The following CPEB1 variants were observed in gnomAD, a reference collection of about 807,000 sequenced individuals.
CPEB1 encodes the protein cytoplasmic polyadenylation element binding protein 1, also known as cytoplasmic polyadenylation element-binding protein 1.
CPEB1 carries 7 observed loss-of-function variants against 65.8 expected under a neutral mutation model. The observed-to-expected ratio is 0.11, with a 90% CI of 0.06 to 0.20. The LOEUF is 0.20. Ranked by LOEUF, CPEB1 falls within the 10% of genes least tolerant of loss-of-function variation. The pLI, the probability that CPEB1 is intolerant of heterozygous loss-of-function variation, is 1.00. For synonymous variants in CPEB1, 262 were observed against 260.0 expected (o/e 1.01, Z -0.08); for missense variants, 551 against 712.2 (o/e 0.77, Z 2.58).
chr15:82,600,839 G>C (rs901208177), intron 3 of CPEB1, among the ~76,000 whole-genome samples: 1 of 151,602 alleles, frequency 6.6e-6, no homozygotes, highest in Non-Finnish European at 1.5e-5. Flanking sequence ...GGGGAGGTTG[G>C]GTGGGTTCTT....
intron 3 of CPEB1, among the ~76,000 whole-genome samples, chr15:82,611,398 C>T (rs1057111540): frequency 6.6e-6 from 1 of 151,978 alleles, no homozygotes; most frequent in Non-Finnish European, 1.5e-5. Flanking sequence ...TGTAAGAAAT[C>T]ACTGAAATAA....
intron 3 of CPEB1, among the ~76,000 whole-genome samples, chr15:82,580,738 T>C (rs2041203292): frequency 6.6e-6 from 1 of 152,228 alleles, no homozygotes; most frequent in South Asian, 2.1e-4. Flanking sequence ...AATTTGACTA[T>C]TGTAGGGACC....
chr15:82,626,805 T>C (rs1179059156), intron 3 of CPEB1, among the ~76,000 whole-genome samples: 1 of 152,242 alleles, frequency 6.6e-6, no homozygotes, highest in Non-Finnish European at 1.5e-5. Flanking sequence ...ATTAATAGTT[T>C]TCATATTAAA....
chr15:82,556,319 A>G, intron 5 of CPEB1, 197 bp from the exon 6 acceptor site: 1 of 576,572 alleles, frequency 1.7e-6, no homozygotes, highest in Non-Finnish European at 2.9e-6. Context: ...CTCCTCATTC[A>G]ACTTTTCCAT....
upstream of CPEB1, chr15:82,647,917 G>C: frequency 8.2e-7 from 1 of 1,226,956 alleles, no homozygotes; most frequent in Non-Finnish European, 1.0e-6. Context: ...CGGCCAGCCG[G>C]CGGGCGAGAG....
Position 82,642,417 on chromosome 15 carries a change from A to C in CPEB1, c.-98+4720T>G, listed in dbSNP as rs587748961. Among the ~76,000 whole-genome samples, 5 of 152,278 alleles carry C rather than the reference A, an allele frequency of 3.3e-5. No individual in the cohort carries two copies. In the South Asian group the frequency reaches 1.0e-3, roughly 32 times the overall value. On this transcript the variant is annotated intron_variant, in intron 1 of 12. Transcript: ENST00000684509. ...TTTTAAAAAGTAGCCAAACATGTTG[A>C]ATGGCTGTAGTCCTAGCTACTTCGG...
rs587732776 is a variant in CPEB1 at position 82,645,800 on chromosome 15, G to A, written c.-98+1337C>T. Among the ~76,000 whole-genome samples, 13 of 152,090 alleles carry A rather than the reference G, an allele frequency of 8.5e-5. No homozygotes were observed. The South Asian group carries it at 2.3e-3, about 27-fold the overall frequency. On this transcript the variant is annotated intron_variant, in intron 1 of 12. Coordinates refer to ENST00000684509, the MANE Select transcript of CPEB1 (RefSeq NM_001365242.1). ...GGAGAATCGCTTGAACCCGGGAGGC[G>A]GAGGCTGCAGTGAGCCAAGATCGCG...
At position 82,612,995 on chromosome 15, in the gene CPEB1, T is replaced by C. The variant is rs908481814; in HGVS notation, c.271+14198A>G. Among the ~76,000 whole-genome samples the C allele has an allele frequency of 1.2e-4, 19 of 152,204 alleles. 1 individual carries two copies. The highest frequency in any genetic ancestry group is 7.4e-5 in the Non-Finnish European group (5 of 68,010). ...TTATATCAAAATTTAAGGAAGACTA[T>C]TATAAATTTCACACAAGCTCTTCTC... On this transcript the variant is annotated intron_variant, in intron 3 of 12. Transcript: ENST00000684509.
intron 3 of CPEB1, among the ~76,000 whole-genome samples, chr15:82,598,680 G>A (rs1172663551): frequency 6.6e-6 from 1 of 152,132 alleles, no homozygotes; most frequent in African/African-American, 2.4e-5. Context: ...AACTACTTGG[G>A]AGGCTGAGGC....
intron 1 of CPEB1, chr15:82,640,858 A>C (rs985591301): frequency 2.0e-5 from 3 of 152,032 alleles, no homozygotes; most frequent in Non-Finnish European, 2.9e-5. Context: ...TTGGGGAGAA[A>C]AGGAAGCCTG....
rs1259181 is a variant in CPEB1, at chr15:82,561,121, T to C, written c.461-3135A>G. Reference sequence around the variant, plus strand: ...AATATAAACACGAAGAGGTGGGACATTGAAGATTAAGAGCTCTGAGGATGG... The same window carrying C: ...AATATAAACACGAAGAGGTGGGACACTGAAGATTAAGAGCTCTGAGGATGG... On this transcript the variant is annotated intron_variant, in intron 4 of 12. Coordinates refer to ENST00000684509, the MANE Select transcript of CPEB1 (RefSeq NM_001365242.1). Among the ~76,000 whole-genome samples, 41 of 152,258 alleles carry C rather than the reference T, an allele frequency of 2.7e-4. No homozygotes were observed. The South Asian group carries it at 6.4e-3, about 24-fold the overall frequency.
Position 82,546,527 on chromosome 15 carries a change from C to G in CPEB1, c.1576-6G>C, listed in dbSNP as rs536024398. On this transcript the variant is annotated splice_polypyrimidine_tract_variant and splice_region_variant and intron_variant, in intron 11 of 12. Coordinates refer to ENST00000684509, the MANE Select transcript of CPEB1 (RefSeq NM_001365242.1). ...AGGTAGGGGTCAATCTGAACCTGCA[C>G]AAAGGCAAAATAAGATGATGAAGTG... 6.2e-7 allele frequency: 1 copy of G among 1,610,902 alleles called. No individual in the cohort carries two copies. Among genetic ancestry groups the G allele is most frequent in the African/African-American group, 1.3e-5 (1 of 74,808 alleles).
intron 3 of CPEB1, among the ~76,000 whole-genome samples, chr15:82,603,524 C>A (rs2043295060): frequency 8.2e-6 from 1 of 121,298 alleles, no homozygotes; most frequent in Non-Finnish European, 1.7e-5. Flanking sequence ...TCTAGGCTAA[C>A]CTGCATGCTT....
chr15:82,562,075 G>A (rs149849604), intron 4 of CPEB1: 26 of 380,668 alleles, frequency 6.8e-5, no homozygotes, highest in Non-Finnish European at 1.2e-4. Context: ...AAGACTTGGG[G>A]CAGTCAGTTT....
At chr15:82,569,494 A>G (rs563997649) in intron 4 of CPEB1, among the ~76,000 whole-genome samples, 1 of 152,340 alleles carries the variant, frequency 6.6e-6, no homozygotes, top group East Asian at 1.9e-4. Context: ...ATTTATCACT[A>G]AAGTGCTTGG....
At chr15:82,557,692 C>A in intron 5 of CPEB1, 68 bp downstream of exon 5, 4 of 1,349,566 alleles carry the variant, frequency 3.0e-6, no homozygotes, top group South Asian at 1.3e-5. Flanking sequence ...GATATTGTAC[C>A]CTCCTTCCCC....
chr15:82,647,969 G>T, upstream of CPEB1: 1 of 961,222 alleles, frequency 1.0e-6, no homozygotes, highest in Non-Finnish European at 1.3e-6. Flanking sequence ...CGGGCCGCGC[G>T]CAGCCCCGCA....
At chr15:82,578,299 C>T (rs540408208) in intron 3 of CPEB1, among the ~76,000 whole-genome samples, 10 of 152,186 alleles carry the variant, frequency 6.6e-5, no homozygotes, top group South Asian at 2.1e-4. Flanking sequence ...GAGGAATGAA[C>T]GCAACTATCA....
intron 4 of CPEB1, among the ~76,000 whole-genome samples, chr15:82,568,532 G>A (rs1296948292): frequency 6.6e-6 from 1 of 152,196 alleles, no homozygotes; most frequent in Non-Finnish European, 1.5e-5. Context: ...TGCAGGCCTT[G>A]CAGGTACAAT....
Sources: gnomAD v4.1 joint callset for allele counts (sites outside exome capture counted in the v4.1 genomes callset) on GRCh38, gnomAD v4.1.1 for gene constraint, MANE v1.5 for transcripts, NCBI Gene and HGNC (gene_info 2026-07-23, HGNC 2026-07-21) for gene names.